The following DDX19B variants were observed in gnomAD, a reference collection of about 807,000 sequenced individuals.
DDX19B encodes ATP-dependent RNA helicase DDX19B.
In DDX19B, 27 loss-of-function variants were observed where a neutral mutation model predicts 58.1. The observed-to-expected ratio is 0.46, with a 90% CI of 0.34 to 0.64. The LOEUF is 0.64. DDX19B is among the 30% of genes least tolerant of loss of function. DDX19B has a pLI of 0.01. For synonymous variants in DDX19B, 187 were observed against 214.4 expected (o/e 0.87, Z 1.12); for missense variants, 399 against 596.5 (o/e 0.67, Z 3.45).
At chr16:70,320,280 C>A (rs1962696824) in intron 5 of DDX19B, among the ~76,000 whole-genome samples, 1 of 150,302 alleles carries the variant, frequency 6.7e-6, no homozygotes, top group South Asian at 2.1e-4. Context: ...GGCTAAGTTT[C>A]TTTATTTAAT....
Position 70,306,829 on chromosome 16 carries a change from C to A in DDX19B, c.58-5780C>A, listed in dbSNP as rs1467414470. Among the ~76,000 whole-genome samples the A allele has an allele frequency of 2.0e-5, 3 of 152,166 alleles. No homozygotes were observed. In the East Asian group the frequency reaches 5.8e-4, roughly 29 times the overall value. On this transcript the variant is annotated intron_variant, in intron 1 of 11. Coordinates refer to ENST00000288071, the MANE Select transcript of DDX19B (RefSeq NM_007242.7). ...ATCACAGTCAATTTTAGAACATTTTCATCACCCCAAAAGGAAACTCTGTAC... is the reference window on the plus strand; with the variant it reads ...ATCACAGTCAATTTTAGAACATTTTAATCACCCCAAAAGGAAACTCTGTAC...
upstream of DDX19B, among the ~76,000 whole-genome samples, chr16:70,297,762 G>A (rs1031410596): frequency 3.3e-5 from 5 of 151,948 alleles, no homozygotes; most frequent in Admixed American, 6.6e-5. Context: ...ACTCTGTTGC[G>A]CAGACTAGAG....
chr16:70,304,136 GT>G (rs1187293236), intron 1 of DDX19B, among the ~76,000 whole-genome samples: 2 of 151,196 alleles, frequency 1.3e-5, no homozygotes, highest in Non-Finnish European at 2.9e-5. Flanking sequence ...CGCCTCCGGG[GT>G]TCAAGCAATT....
chr16:70,326,955 C>A (rs1332229350), intron 7 of DDX19B, among the ~76,000 whole-genome samples: 1 of 152,004 alleles, frequency 6.6e-6, no homozygotes, highest in Non-Finnish European at 1.5e-5. Context: ...CTGCCTCAGC[C>A]TCCTGAGTAG....
intron 1 of DDX19B, among the ~76,000 whole-genome samples, chr16:70,309,413 T>C (rs1961960243): frequency 1.3e-5 from 2 of 152,116 alleles, no homozygotes; most frequent in Admixed American, 6.6e-5. Context: ...GAGAATGGCG[T>C]GAACCTGGGA....
At chr16:70,289,913 A>T (rs1202142639), upstream of DDX19B, 2 of 367,026 alleles carry the variant, frequency 5.4e-6, no homozygotes, top group Non-Finnish European at 1.1e-5. Flanking sequence ...GCTGAGTGAT[A>T]CACAGCCCTC....
intron 3 of DDX19B, chr16:70,315,750 A>T (rs1257035515): frequency 7.6e-6 from 4 of 527,328 alleles, no homozygotes; most frequent in Non-Finnish European, 1.3e-5. Flanking sequence ...GGGCTGTTAG[A>T]ATAGAGTCTG....
At chr16:70,292,658 A>G (rs888461478), upstream of DDX19B, among the ~76,000 whole-genome samples, 1 of 152,114 alleles carries the variant, frequency 6.6e-6, no homozygotes, top group African/African-American at 2.4e-5. Context: ...GGCTAAGCAA[A>G]TAGGCCTGTA....
In DDX19B at chr16:70,333,589, C is replaced by G; in HGVS notation, c.*7C>G. ...TGAGAAAATAGCCAACTGAGAAGCT[C>G]CACCAGCCACTGATGCCAGCCCTGG... On this transcript the variant is annotated 3_prime_UTR_variant, in exon 12 of 12. Transcript: ENST00000288071. 1.2e-6 allele frequency: 2 copies of G among 1,613,996 alleles called. No individual in the cohort carries two copies. Among genetic ancestry groups the G allele is most frequent in the Non-Finnish European group, 1.7e-6 (2 of 1,179,866 alleles).
chr16:70,322,309 G>A (rs892874760), intron 5 of DDX19B, among the ~76,000 whole-genome samples: 2 of 152,122 alleles, frequency 1.3e-5, no homozygotes, highest in African/African-American at 4.8e-5. Flanking sequence ...CCGGTGTGGC[G>A]GCTGGGCGCA....
In DDX19B at chr16:70,330,080, T is replaced by C. The variant is rs756719747; in HGVS notation, c.1023+12T>C. 1.7e-5 allele frequency: 27 copies of C among 1,613,872 alleles called. No individual in the cohort carries two copies. The highest frequency in any genetic ancestry group is 3.3e-5 in the South Asian group (3 of 91,064). The stretch of plus-strand genomic sequence containing the variant: ...TGATCTTCTGCCATGTGAGTAGCAG[T>C]GGCAGTGGCAGGCCTGGCCCTTCCC... On this transcript the variant is annotated intron_variant, in intron 9 of 11. Coordinates refer to ENST00000288071, the MANE Select transcript of DDX19B (RefSeq NM_007242.7).
intron 7 of DDX19B, among the ~76,000 whole-genome samples, chr16:70,326,201 C>T (rs1304378691): frequency 6.6e-6 from 1 of 152,172 alleles, no homozygotes; most frequent in African/African-American, 2.4e-5. Flanking sequence ...TGGCCGGGCG[C>T]GGTGGCTCAC....
intron 5 of DDX19B, among the ~76,000 whole-genome samples, chr16:70,318,209 T>TA (rs1472191268): frequency 2.0e-5 from 3 of 150,210 alleles, no homozygotes; most frequent in Non-Finnish European, 4.4e-5. Flanking sequence ...CCGACTCTAC[T>TA]AAAAAAATAC....
In DDX19B at chr16:70,331,681, T is replaced by C. The variant is rs776548672; in HGVS notation, c.1024-41T>C. 3 of 1,593,160 alleles carry C rather than the reference T, an allele frequency of 1.9e-6. No individual in the cohort carries two copies. In the African/African-American group the frequency reaches 4.1e-5, roughly 22 times the overall value. On this transcript the variant is annotated intron_variant, in intron 9 of 11. Coordinates refer to ENST00000288071, the MANE Select transcript of DDX19B (RefSeq NM_007242.7). ...TTTAGCAGTTGTCTTCCTTTTGTTT[T>C]TAACAGGTCTCTTCATAAAAAACAA...
At chr16:70,309,817 CAAA>C (rs61033553) in intron 1 of DDX19B, among the ~76,000 whole-genome samples, 22 of 42,632 alleles carry the variant, frequency 5.2e-4, no homozygotes, top group Non-Finnish European at 5.9e-4. Context: ...GACTCCGTCT[CAAA>C]AAAAAAAAAA....
intron 7 of DDX19B, among the ~76,000 whole-genome samples, chr16:70,328,329 T>C (rs192970590): frequency 1.3e-5 from 2 of 151,924 alleles, no homozygotes; most frequent in Admixed American, 6.6e-5. Flanking sequence ...TTGCAATTTG[T>C]ATTCGAATTA....
chr16:70,294,758 G>A (rs562938324), upstream of DDX19B: 67 of 1,106,274 alleles, frequency 6.1e-5, no homozygotes, highest in East Asian at 5.8e-4. Flanking sequence ...TTGGCTGACA[G>A]GATTTCCAGG....
chr16:70,322,924 A>G (rs1223592494), intron 5 of DDX19B, among the ~76,000 whole-genome samples: 1 of 150,906 alleles, frequency 6.6e-6, no homozygotes, highest in Non-Finnish European at 1.5e-5. Flanking sequence ...AGTCCCCATA[A>G]GGAACAGCTT....
intron 5 of DDX19B, among the ~76,000 whole-genome samples, chr16:70,323,010 C>T (rs7187719): frequency 2.0e-5 from 3 of 149,672 alleles, no homozygotes; most frequent in African/African-American, 7.4e-5. Context: ...CATGTTTCTT[C>T]TGTTTGTTTG....
Sources: gnomAD v4.1 joint callset for allele counts (sites outside exome capture counted in the v4.1 genomes callset) on GRCh38, gnomAD v4.1.1 for gene constraint, MANE v1.5 for transcripts, NCBI Gene and HGNC (gene_info 2026-07-23, HGNC 2026-07-21) for gene names.